Variants in FBXL13 observed in about 807,000 individuals in gnomAD.
FBXL13 encodes the protein F-box and leucine-rich repeat protein 13.
Under a neutral mutation model 83.6 loss-of-function variants are expected in FBXL13, and 67 were observed. That is an observed-to-expected ratio of 0.80 (90% CI 0.66 to 0.98). The LOEUF (loss-of-function observed/expected upper bound fraction) is 0.98. Ranked by LOEUF, FBXL13 falls within the 50% of genes least tolerant of loss-of-function variation. FBXL13 has a pLI of 0.00. For synonymous variants in FBXL13, 272 were observed against 299.5 expected (o/e 0.91, Z 0.95); for missense variants, 822 against 866.5 (o/e 0.95, Z 0.64).
chr7:102,846,648 T>C (rs1236332273), intron 17 of FBXL13, among the ~76,000 whole-genome samples: 1 of 151,188 alleles, frequency 6.6e-6, no homozygotes, highest in African/African-American at 2.4e-5. Flanking sequence ...AATGAGATGG[T>C]TTGAGCATGA....
chr7:102,982,781 T>A (rs1171138526), intron 6 of FBXL13, among the ~76,000 whole-genome samples: 1 of 152,202 alleles, frequency 6.6e-6, no homozygotes, highest in African/African-American at 2.4e-5. Context: ...TTCTTTCCTT[T>A]ATAAATTACC....
chr7:102,858,512 A>G (rs1210144801), intron 16 of FBXL13, among the ~76,000 whole-genome samples: 1 of 152,228 alleles, frequency 6.6e-6, no homozygotes. Context: ...ATCATTACAC[A>G]TAAGGAAATA....
chr7:102,976,329 A>C, intron 6 of FBXL13: 1 of 626,918 alleles, frequency 1.6e-6, no homozygotes, highest in Non-Finnish European at 2.8e-6. Context: ...CTATTGTGGA[A>C]ATTGATGAAC....
chr7:102,864,410 C>T (rs1807322716), intron 16 of FBXL13, among the ~76,000 whole-genome samples: 2 of 152,006 alleles, frequency 1.3e-5, no homozygotes, highest in South Asian at 4.2e-4. Flanking sequence ...CTCTTGTCGC[C>T]CAGGCTGGAG....
chr7:102,939,133 C>T (rs967568433), intron 8 of FBXL13, among the ~76,000 whole-genome samples: 1 of 152,134 alleles, frequency 6.6e-6, no homozygotes, highest in African/African-American at 2.4e-5. Context: ...CTTTCTAGAA[C>T]CTAGGAGGTT....
At chr7:102,891,420 A>C (rs1811519693) in intron 11 of FBXL13, among the ~76,000 whole-genome samples, 1 of 152,168 alleles carries the variant, frequency 6.6e-6, no homozygotes, top group Admixed American at 6.5e-5. Flanking sequence ...GCCTTATATG[A>C]CAGTTACCTG....
At chr7:102,907,826 C>G (rs746604229) in intron 11 of FBXL13, among the ~76,000 whole-genome samples, 17 of 152,306 alleles carry the variant, frequency 1.1e-4, no homozygotes, top group Non-Finnish European at 2.2e-4. Context: ...CTCATCATCA[C>G]TGGCCATCAG....
intron 11 of FBXL13, among the ~76,000 whole-genome samples, chr7:102,907,969 C>G (rs1449178505): frequency 6.6e-6 from 1 of 152,138 alleles, no homozygotes; most frequent in Non-Finnish European, 1.5e-5. Flanking sequence ...GTCGGTGGGA[C>G]TGTAAACTAG....
rs547105423 is a variant in FBXL13 at position 103,002,567 on chromosome 7, C to G, written c.495+22496G>C. The stretch of plus-strand genomic sequence containing the variant: ...ACTTTTCTTTCAGATTGAAGAACTC[C>G]CTTTAGCATTTCTTGTTAAGATGCC... On this transcript the variant is annotated intron_variant, in intron 6 of 19. Coordinates refer to ENST00000313221, the Ensembl canonical transcript of FBXL13. Among the ~76,000 whole-genome samples the G allele has an allele frequency of 9.2e-5, 14 of 152,254 alleles. No homozygotes were observed. In the East Asian group the frequency reaches 2.7e-3, roughly 29 times the overall value.
At chr7:102,845,875 A>T (rs375863610) in intron 17 of FBXL13, among the ~76,000 whole-genome samples, 2 of 152,202 alleles carry the variant, frequency 1.3e-5, no homozygotes, top group East Asian at 1.9e-4. Flanking sequence ...ACCTCGCCTG[A>T]ATCCTCCCAT....
At chr7:103,052,408 A>C (rs1796907479) in intron 2 of FBXL13, among the ~76,000 whole-genome samples, 1 of 152,162 alleles carries the variant, frequency 6.6e-6, no homozygotes, top group South Asian at 2.1e-4. Flanking sequence ...ATACTTTAAA[A>C]TATCAAAAAT....
chr7:102,817,506 C>A (rs1798169350), intron 19 of FBXL13, among the ~76,000 whole-genome samples: 1 of 152,068 alleles, frequency 6.6e-6, no homozygotes, highest in African/African-American at 2.4e-5. Flanking sequence ...GATATTAGAC[C>A]TTTGTCGGAT....
At chr7:102,912,924 A>G (rs1443576768) in intron 11 of FBXL13, 162 bp downstream of exon 12, 2 of 889,860 alleles carry the variant, frequency 2.2e-6, no homozygotes, top group African/African-American at 3.4e-5. Flanking sequence ...TATAATAGCG[A>G]TCCTGGGGAA....
chr7:102,947,640 T>C (rs1305275213), intron 8 of FBXL13, among the ~76,000 whole-genome samples: 2 of 152,204 alleles, frequency 1.3e-5, no homozygotes, highest in Non-Finnish European at 2.9e-5. Context: ...TCTTGTAACT[T>C]GCCTTTGGAT....
chr7:102,968,995 G>A (rs1826289911), intron 6 of FBXL13, among the ~76,000 whole-genome samples: 1 of 152,114 alleles, frequency 6.6e-6, no homozygotes, highest in African/African-American at 2.4e-5. Context: ...TGACATCATA[G>A]CCATTGTAAT....
At chr7:102,885,078 T>C (rs1271234196) in intron 11 of FBXL13, among the ~76,000 whole-genome samples, 1 of 152,084 alleles carries the variant, frequency 6.6e-6, no homozygotes, top group Non-Finnish European at 1.5e-5. Flanking sequence ...CTTTTGGATA[T>C]TGAATATCTA....
intron 8 of FBXL13, among the ~76,000 whole-genome samples, chr7:102,936,490 T>C (rs1820337220): frequency 6.6e-6 from 1 of 152,252 alleles, no homozygotes; most frequent in Non-Finnish European, 1.5e-5. Flanking sequence ...ATGTAGTTTT[T>C]CTATAGCCAG....
At chr7:102,853,839 T>C (rs1241425804) in intron 17 of FBXL13, among the ~76,000 whole-genome samples, 4 of 152,084 alleles carry the variant, frequency 2.6e-5, no homozygotes, top group Non-Finnish European at 5.9e-5. Flanking sequence ...TCACACCAGT[T>C]AGAATGGCGA....
At position 102,963,520 on chromosome 7, in the gene FBXL13, T is replaced by G; in HGVS notation, c.724+13A>C. The G allele has an allele frequency of 6.2e-7, 1 of 1,607,156 alleles. No individual in the cohort carries two copies. Among genetic ancestry groups the G allele is most frequent in the Non-Finnish European group, 8.5e-7 (1 of 1,178,580 alleles). ...AGGAAAGCAAGACAAATAGTTGTAA[T>G]GAACATACTTACTGACAGATCTGAA... On this transcript the variant is annotated intron_variant, in intron 8 of 19. Coordinates refer to ENST00000313221, the Ensembl canonical transcript of FBXL13.
Sources: gnomAD v4.1 joint callset for allele counts (sites outside exome capture counted in the v4.1 genomes callset) on GRCh38, gnomAD v4.1.1 for gene constraint, MANE v1.5 for transcripts, NCBI Gene and HGNC (gene_info 2026-07-23, HGNC 2026-07-21) for gene names.